Variants in GLYAT observed in about 807,000 individuals in gnomAD.
The protein encoded by GLYAT is glycine-N-acyltransferase.
In GLYAT, 25 loss-of-function variants were observed where a neutral mutation model predicts 22.8. The ratio of observed to expected loss-of-function variants is 1.09; its 90% CI spans 0.80 to 1.53. GLYAT has a LOEUF of 1.53. Among genes scored for constraint, GLYAT ranks in the 40% most tolerant of loss-of-function variants. The pLI, the probability that GLYAT is intolerant of heterozygous loss-of-function variation, is 0.00. For missense variants in GLYAT, 411 were observed against 353.9 expected, an observed-to-expected ratio of 1.16 and a Z score of -1.29; for synonymous variants, 140 against 122.7, an observed-to-expected ratio of 1.14 and a Z score of -0.93.
intron 4 of GLYAT, among the ~76,000 whole-genome samples, chr11:58,712,186 C>T (rs1856624310): frequency 6.6e-6 from 1 of 152,214 alleles, no homozygotes; most frequent in African/African-American, 2.4e-5. Flanking sequence ...ACTAATATGT[C>T]TAAGTATTAT....
intron 3 of GLYAT, among the ~76,000 whole-genome samples, chr11:58,715,057 G>A (rs1370426906): frequency 2.6e-5 from 4 of 151,678 alleles, no homozygotes; most frequent in South Asian, 2.1e-4. Flanking sequence ...TTATCGGGTA[G>A]CCCCACCTTT....
At position 58,724,280 on chromosome 11, in the gene GLYAT, G is replaced by A. The variant is rs1307483839; in HGVS notation, c.81+136C>T. On this transcript the variant is annotated intron_variant, in intron 2 of 5. Transcript: ENST00000344743. ...ATGACAGTAAACATCTTGTAGAGAG[G>A]TAAGGCATACTAAATGAGAGAAAAC... is the stretch of plus-strand genomic sequence containing the variant. 5.5e-6 allele frequency: 3 copies of A among 540,594 alleles called. No homozygotes were observed. The Admixed American group carries it at 9.9e-5, about 18-fold the overall frequency. The allele number at this position is 540,594 out of a possible 1,614,324, so 33.5% of individuals were successfully genotyped here.
intron 2 of GLYAT, among the ~76,000 whole-genome samples, chr11:58,718,910 A>T (rs114548363): frequency 6.6e-6 from 1 of 152,036 alleles, no homozygotes; most frequent in African/African-American, 2.4e-5. Flanking sequence ...TTATATTATA[A>T]TTACAGGAGT....
At chr11:58,711,892 C>A (rs1373275950) in intron 4 of GLYAT, among the ~76,000 whole-genome samples, 1 of 152,208 alleles carries the variant, frequency 6.6e-6, no homozygotes, top group Non-Finnish European at 1.5e-5. Context: ...TGGTTAAGAC[C>A]AATTATGTTA....
intron 1 of GLYAT, among the ~76,000 whole-genome samples, chr11:58,728,982 A>G (rs1372493577): frequency 6.6e-6 from 1 of 151,994 alleles, no homozygotes; most frequent in African/African-American, 2.4e-5. Context: ...GAAGGAAGAA[A>G]GGAAGGAAGG....
chr11:58,714,703 T>C (rs1856658059), intron 3 of GLYAT, among the ~76,000 whole-genome samples: 1 of 152,252 alleles, frequency 6.6e-6, no homozygotes, highest in African/African-American at 2.4e-5. Context: ...TTTGCTTGAC[T>C]GTCATTCTTT....
At chr11:58,710,826 G>A (rs1464524721) in intron 4 of GLYAT, 65 bp from the exon 5 acceptor site, 4 of 958,162 alleles carry the variant, frequency 4.2e-6, no homozygotes, top group African/African-American at 3.2e-5. Flanking sequence ...TTCTGCAGTG[G>A]AGTAAGAAGT....
At chr11:58,717,983 T>G (rs367561078) in intron 2 of GLYAT, among the ~76,000 whole-genome samples, 13 of 152,146 alleles carry the variant, frequency 8.5e-5, no homozygotes, top group African/African-American at 3.1e-4. Context: ...ATGTTAAATC[T>G]GGGGCTTCTG....
chr11:58,724,423 G>A lies in GLYAT; in HGVS notation c.74C>T (p.Ser25Phe), dbSNP rs774121411. 6.3e-7 allele frequency: 1 copy of A among 1,586,746 alleles called. No homozygotes were observed. The highest frequency in any genetic ancestry group is 8.6e-7 in the Non-Finnish European group (1 of 1,157,346). Reference sequence around the variant, plus strand: ...AGAATTTTCCATTATCACCTTTAAGGATGCTGGGAGGCTCTTCCTCAAGGA... The same window carrying A: ...AGAATTTTCCATTATCACCTTTAAGAATGCTGGGAGGCTCTTCCTCAAGGA... The part of the protein sequence containing the change: ...EKSLRKSLPA[S>F]LKVYGTVFHI... Residue 25 changes from serine to phenylalanine, a missense_variant, in exon 2 of 6, where the codon TCC becomes TTC. Coordinates refer to ENST00000344743, the MANE Select transcript of GLYAT (RefSeq NM_201648.3).
chr11:58,710,229 C>G, intron 5 of GLYAT, 61 bp from the exon 6 acceptor site: 1 of 1,535,098 alleles, frequency 6.5e-7, no homozygotes, highest in Non-Finnish European at 8.7e-7. Context: ...TTTGCTGTGA[C>G]CTCTATTGTC....
rs984301014 is a variant in GLYAT at position 58,709,580 on chromosome 11, C to T, written c.*186G>A. The T allele has an allele frequency of 5.2e-6, 3 of 574,790 alleles. No homozygotes were observed. The highest frequency in any genetic ancestry group is 1.9e-5 in the African/African-American group (1 of 53,812). 35.6% of individuals were successfully genotyped at this position (574,790 alleles called of 1,614,324 possible). ...TGTAAGAGGACCTGGGCCTGCTTCC[C>T]ACTGAGAAACCTGTGAATGCAGGGA... On this transcript the variant is annotated 3_prime_UTR_variant, in exon 6 of 6. Coordinates refer to ENST00000344743, the MANE Select transcript of GLYAT (RefSeq NM_201648.3).
Position 58,710,727 on chromosome 11 carries a change from A to T in GLYAT, c.351T>A (p.Asn117Lys). 6.2e-7 allele frequency: 1 copy of T among 1,612,238 alleles called. No individual in the cohort carries two copies. Among genetic ancestry groups the T allele is most frequent in the Non-Finnish European group, 8.5e-7 (1 of 1,178,332 alleles). Residue 117 changes from asparagine to lysine, a missense_variant, in exon 5 of 6, where the codon AAT becomes AAA. By Grantham distance (94) the Asn-to-Lys change is moderately conservative (BLOSUM62 0). Transcript: ENST00000344743. ...CTTTGAAGGACTTAATGGCTGCAAG[A>T]TTTTGTATAGCCTCATTCAGGCTAG... is the stretch of plus-strand genomic sequence containing the variant. The part of the protein sequence containing the change: ...SQPSLNEAIQ[N>K]LAAIKSFKVK...
intron 3 of GLYAT, 124 bp downstream of exon 3, chr11:58,715,192 A>G: frequency 1.8e-6 from 1 of 558,658 alleles, no homozygotes; most frequent in Non-Finnish European, 3.1e-6. Flanking sequence ...CTTCTTGAGG[A>G]TGGGGACTTG....
At chr11:58,731,366 C>T (rs1294171836) in intron 1 of GLYAT, among the ~76,000 whole-genome samples, 2 of 152,134 alleles carry the variant, frequency 1.3e-5, no homozygotes, top group Non-Finnish European at 2.9e-5. Flanking sequence ...GCACAAACTT[C>T]TAAGGATTTT....
At chr11:58,722,553 G>A (rs984771143) in intron 2 of GLYAT, among the ~76,000 whole-genome samples, 107 of 152,112 alleles carry the variant, frequency 7.0e-4, no homozygotes, top group Non-Finnish European at 1.2e-4. Context: ...TCACAGATAT[G>A]TGAGACAAAC....
chr11:58,724,625 C>A (rs777217117), intron 1 of GLYAT, 114 bp from the exon 2 acceptor site: 38 of 454,920 alleles, frequency 8.4e-5, no homozygotes, highest in Non-Finnish European at 1.4e-4. Context: ...TGCCTTTCAA[C>A]TGCAGTCCTC....
At chr11:58,724,632 C>A in intron 1 of GLYAT, 121 bp from the exon 2 acceptor site, 2 of 437,686 alleles carry the variant, frequency 4.6e-6, no homozygotes, top group East Asian at 3.2e-5. Context: ...CAACTGCAGT[C>A]CTCAGCAAAT....
chr11:58,715,534 C>G, intron 2 of GLYAT, 111 bp from the exon 3 acceptor site: 2 of 622,830 alleles, frequency 3.2e-6, no homozygotes, highest in South Asian at 3.9e-5. Flanking sequence ...TTTTATGATA[C>G]AAAGTAGCCA....
In GLYAT at chr11:58,712,716, G is replaced by A. The variant is rs781137498; in HGVS notation, c.316+44C>T. 7 of 1,587,476 alleles carry A rather than the reference G, an allele frequency of 4.4e-6. No homozygotes were observed. In the East Asian group the frequency reaches 1.6e-4, roughly 36 times the overall value. On this transcript the variant is annotated intron_variant, in intron 4 of 5. Coordinates refer to ENST00000344743, the MANE Select transcript of GLYAT (RefSeq NM_201648.3). The stretch of plus-strand genomic sequence containing the variant: ...TATAAGTCATATGAAAACTTGCTCA[G>A]GACACATAAGTGAGTCAGCACACAT...
Sources: gnomAD v4.1 joint callset for allele counts (sites outside exome capture counted in the v4.1 genomes callset) on GRCh38, gnomAD v4.1.1 for gene constraint, MANE v1.5 for transcripts, NCBI Gene and HGNC (gene_info 2026-07-23, HGNC 2026-07-21) for gene names.